RANBP10: variants seen among roughly 807,000 people sequenced by gnomAD.
RANBP10 encodes ran-binding protein 10.
In RANBP10, 24 loss-of-function variants were observed where a neutral mutation model predicts 72.8. The observed-to-expected ratio is 0.33, with a 90% confidence interval of 0.24 to 0.46. RANBP10 has a LOEUF of 0.46. Among genes scored for constraint, RANBP10 ranks in the 20% least tolerant of loss-of-function variants. The pLI is 1.00. For synonymous variants in RANBP10, 310 were observed against 322.3 expected (o/e 0.96, Z 0.41); for missense variants, 679 against 817.5 (o/e 0.83, Z 2.07).
chr16:67,744,463 G>A lies in RANBP10; in HGVS notation c.401-8C>T. The A allele has an allele frequency of 6.2e-7, 1 of 1,609,940 alleles. No individual in the cohort carries two copies. The highest frequency in any genetic ancestry group is 8.5e-7 in the Non-Finnish European group (1 of 1,177,344). ...AGGAATGTTTGTCCCAACCTGTGGGGGAAGAGAGCAGCAATAACTGAGTAG... is the reference window on the plus strand; with the variant it reads ...AGGAATGTTTGTCCCAACCTGTGGGAGAAGAGAGCAGCAATAACTGAGTAG... On this transcript the variant is annotated splice_polypyrimidine_tract_variant and splice_region_variant and intron_variant, in intron 3 of 13. Transcript: ENST00000317506.
chr16:67,778,990 G>A (rs2054763395), intron 2 of RANBP10, among the ~76,000 whole-genome samples: 1 of 152,156 alleles, frequency 6.6e-6, no homozygotes, highest in African/African-American at 2.4e-5. Flanking sequence ...CTACTTGAGA[G>A]GCTGAGATGG....
intron 12 of RANBP10, 120 bp from the exon 13 acceptor site, chr16:67,727,558 G>A (rs540075944): frequency 7.6e-7 from 1 of 1,313,858 alleles, no homozygotes; most frequent in African/African-American, 1.5e-5. Context: ...GGGGTGTAGG[G>A]TCGGGCAGGG....
At chr16:67,785,390 C>T (rs558039537) in intron 2 of RANBP10, among the ~76,000 whole-genome samples, 8 of 151,678 alleles carry the variant, frequency 5.3e-5, no homozygotes, top group Non-Finnish European at 1.2e-4. Context: ...AAAGGATGAA[C>T]AAAAAGAAAA....
chr16:67,777,103 G>A (rs147077230), intron 2 of RANBP10, among the ~76,000 whole-genome samples: 86 of 151,994 alleles, frequency 5.7e-4, no homozygotes, highest in African/African-American at 1.8e-3. Flanking sequence ...CCAGCTATTC[G>A]GGAGGCTGAG....
rs149876935 is a variant in RANBP10 at position 67,776,461 on chromosome 16, C to CAAAAA, written c.348-4380_348-4376dup. Among the ~76,000 whole-genome samples, 107 of 37,862 alleles carry CAAAAA rather than the reference C, an allele frequency of 2.8e-3. 1 individual carries two copies. The highest frequency in any genetic ancestry group is 3.7e-3 in the Non-Finnish European group (74 of 19,810). The allele number at this position is 37,862 out of a possible 152,430, so 24.8% of individuals were successfully genotyped here. On this transcript the variant is annotated intron_variant, in intron 2 of 13. Coordinates refer to ENST00000317506, the MANE Select transcript of RANBP10 (RefSeq NM_020850.3). Reference sequence around the variant, plus strand: ...CGGACAACAGACACGGACTCCATCTCAAAAAAAAAAAAAAAAAAAAAAAAA... The same window carrying CAAAAA: ...CGGACAACAGACACGGACTCCATCTCAAAAAAAAAAAAAAAAAAAAAAAAAAAAAA...
intron 2 of RANBP10, among the ~76,000 whole-genome samples, chr16:67,803,466 C>T (rs2055272382): frequency 6.6e-6 from 1 of 152,028 alleles, no homozygotes. Context: ...GCCTGACCAA[C>T]ATGGAGAAAC....
At chr16:67,735,409 T>C (rs964816984) in intron 5 of RANBP10, among the ~76,000 whole-genome samples, 3 of 152,234 alleles carry the variant, frequency 2.0e-5, no homozygotes, top group Admixed American at 2.0e-4. Context: ...TAGTGGGTCA[T>C]GGCTCCTCTT....
intron 2 of RANBP10, among the ~76,000 whole-genome samples, chr16:67,796,816 G>A (rs1484844988): frequency 6.6e-6 from 1 of 152,076 alleles, no homozygotes; most frequent in South Asian, 2.1e-4. Context: ...TCTTGTTCTG[G>A]CCCCTTCATG....
intron 2 of RANBP10, among the ~76,000 whole-genome samples, chr16:67,804,655 G>A (rs150448680): frequency 6.8e-4 from 103 of 152,012 alleles, no homozygotes; most frequent in African/African-American, 2.2e-3. Flanking sequence ...CGCCCGCCTC[G>A]GTCTTCTGAA....
At position 67,723,076 on chromosome 16, in the gene RANBP10, T is replaced by C. The variant is rs1158168630; in HGVS notation, c.*3352A>G. 1 of 152,474 alleles carries C rather than the reference T, an allele frequency of 6.6e-6. No individual in the cohort carries two copies. Among genetic ancestry groups the C allele is most frequent in the East Asian group, 1.9e-4 (1 of 5,200 alleles). The allele number at this position is 152,474 out of a possible 1,614,324, so 9.4% of individuals were successfully genotyped here. A position where few individuals can be genotyped will look rare whatever the true frequency, so the allele number is the denominator to read the frequency against. On this transcript the variant is annotated 3_prime_UTR_variant, in exon 14 of 14. Coordinates refer to ENST00000317506, the MANE Select transcript of RANBP10 (RefSeq NM_020850.3). Reference sequence around the variant, plus strand: ...GAGACCAGACACACATGACTGCTCATGGATGTGTATTTTAATAAAAATAAT... The same window carrying C: ...GAGACCAGACACACATGACTGCTCACGGATGTGTATTTTAATAAAAATAAT...
rs1165342667 is a variant in RANBP10 at position 67,784,024 on chromosome 16, CAG to C, written c.348-11940_348-11939del. The stretch of plus-strand genomic sequence containing the variant: ...CGCCACTGCACTCCAGCCTGAGTGA[CAG>C]AGAGAGAGACTCCGTCTCAAAAAAA... On this transcript the variant is annotated intron_variant, in intron 2 of 13. Coordinates refer to ENST00000317506, the MANE Select transcript of RANBP10 (RefSeq NM_020850.3). Among the ~76,000 whole-genome samples, 10 of 118,628 alleles carry C rather than the reference CAG, an allele frequency of 8.4e-5. No homozygotes were observed. The East Asian group carries it at 2.5e-3, about 29-fold the overall frequency. The allele number at this position is 118,628 out of a possible 152,430, so 77.8% of individuals were successfully genotyped here.
rs566752129 is a variant in RANBP10, at chr16:67,725,190, C to G, written c.*1238G>C. On this transcript the variant is annotated 3_prime_UTR_variant, in exon 14 of 14. Transcript: ENST00000317506. ...AGTCTTTCCTAAGAGTGGCTAGGGC[C>G]CAGCTGCAGGGAGCTGTCTGGCACA... The G allele has an allele frequency of 6.6e-6, 1 of 152,618 alleles. No individual in the cohort carries two copies. The highest frequency in any genetic ancestry group is 2.4e-5 in the African/African-American group (1 of 41,450). The allele number at this position is 152,618 out of a possible 1,614,324, so 9.5% of individuals were successfully genotyped here.
At position 67,736,222 on chromosome 16, in the gene RANBP10, C is replaced by T. The variant is rs962908754; in HGVS notation, c.592-1180G>A. 2.6e-5 allele frequency among the ~76,000 whole-genome samples: 4 copies of T among 151,906 alleles called. No individual in the cohort carries two copies. In the East Asian group the frequency reaches 5.8e-4, roughly 22 times the overall value. On this transcript the variant is annotated intron_variant, in intron 5 of 13. Coordinates refer to ENST00000317506, the MANE Select transcript of RANBP10 (RefSeq NM_020850.3). ...TGTTGCCCAGGCTGGAGTGCAATGG[C>T]GCGATTTCAGCTCACCGCAACTTCT...
At chr16:67,731,879 C>T (rs2053740744) in intron 6 of RANBP10, among the ~76,000 whole-genome samples, 1 of 152,138 alleles carries the variant, frequency 6.6e-6, no homozygotes, top group South Asian at 2.1e-4. Flanking sequence ...AGTATGATAA[C>T]AGAAGTACAC....
Position 67,785,870 on chromosome 16 carries a change from CAAA to C in RANBP10, c.348-13787_348-13785del, listed in dbSNP as rs2054907761. Among the ~76,000 whole-genome samples, 3 of 150,212 alleles carry C rather than the reference CAAA, an allele frequency of 2.0e-5. No individual in the cohort carries two copies. In the South Asian group the frequency reaches 6.3e-4, roughly 32 times the overall value. On this transcript the variant is annotated intron_variant, in intron 2 of 13. Transcript: ENST00000317506. ...TGAAACCCCGTCTCTACTAAAAATA[CAAA>C]AAATTAGCCGAGCATGGTGGCAGGC...
At chr16:67,732,710 G>A (rs2053757625) in intron 6 of RANBP10, among the ~76,000 whole-genome samples, 1 of 152,084 alleles carries the variant, frequency 6.6e-6, no homozygotes, top group South Asian at 2.1e-4. Context: ...TTGAGGCCAG[G>A]AGTTCAAGAC....
At chr16:67,788,234 G>C (rs1441515200) in intron 2 of RANBP10, among the ~76,000 whole-genome samples, 1 of 151,770 alleles carries the variant, frequency 6.6e-6, no homozygotes, top group East Asian at 2.0e-4. Flanking sequence ...TCAGCCTGTA[G>C]AGCCACGCCT....
At chr16:67,775,230 G>C (rs2054679816) in intron 2 of RANBP10, among the ~76,000 whole-genome samples, 1 of 152,098 alleles carries the variant, frequency 6.6e-6, no homozygotes, top group Non-Finnish European at 1.5e-5. Context: ...AGAATCGCTT[G>C]AACCCTAGAG....
At chr16:67,754,850 C>T (rs1009456281) in intron 3 of RANBP10, among the ~76,000 whole-genome samples, 3 of 152,182 alleles carry the variant, frequency 2.0e-5, no homozygotes, top group African/African-American at 7.2e-5. Flanking sequence ...TGGTTCCCTT[C>T]TCTACAAAAT....
Sources: gnomAD v4.1 joint callset for allele counts (sites outside exome capture counted in the v4.1 genomes callset) on GRCh38, gnomAD v4.1.1 for gene constraint, MANE v1.5 for transcripts, NCBI Gene and HGNC (gene_info 2026-07-23, HGNC 2026-07-21) for gene names.